Variants in CD36 observed in about 807,000 individuals in gnomAD.
The protein encoded by CD36 is CD36 molecule (CD36 blood group).
Under a neutral mutation model 55.2 loss-of-function variants are expected in CD36, and 119 were observed. The observed-to-expected ratio is 2.15, with a 90% CI of 1.86 to 2.51. The LOEUF (loss-of-function observed/expected upper bound fraction) is 2.51. Among genes scored for constraint, CD36 ranks in the 30% most tolerant of loss-of-function variants. The pLI is 0.00. For synonymous variants in CD36, 186 were observed against 193.6 expected (o/e 0.96, Z 0.33); for missense variants, 819 against 555.5 (o/e 1.47, Z -4.77).
At chr7:80,649,861 C>T (rs1489269642) in intron 3 of CD36, among the ~76,000 whole-genome samples, 2 of 151,552 alleles carry the variant, frequency 1.3e-5, no homozygotes, top group African/African-American at 4.9e-5. Flanking sequence ...TATGAAGAAA[C>T]AAACAAAGAG....
At position 80,678,161 on chromosome 7, in the gene CD36, A is replaced by G. The variant is rs1306811281; in HGVS notation, c.*1778A>G. 2 of 151,908 alleles carry G rather than the reference A, an allele frequency of 1.3e-5. No individual in the cohort carries two copies. Among genetic ancestry groups the G allele is most frequent in the Non-Finnish European group, 2.9e-5 (2 of 68,014 alleles). 9.4% of individuals were successfully genotyped at this position (151,908 alleles called of 1,614,324 possible). On this transcript the variant is annotated 3_prime_UTR_variant, in exon 15 of 15. Coordinates refer to ENST00000447544, the MANE Select transcript of CD36 (RefSeq NM_001001548.3). ...TGGGGCAACTTGGGGAATATGTTAC[A>G]TGTGTGACTTTGTTTTGCCCTGGCG...
intron 14 of CD36, among the ~76,000 whole-genome samples, chr7:80,674,673 G>A (rs1336891793): frequency 2.0e-5 from 3 of 152,026 alleles, no homozygotes; most frequent in African/African-American, 7.2e-5. Context: ...CTATGCTTTA[G>A]ATATTAGTGT....
intron 3 of CD36, among the ~76,000 whole-genome samples, chr7:80,651,150 C>T (rs967597697): frequency 2.0e-5 from 3 of 152,020 alleles, no homozygotes; most frequent in Non-Finnish European, 4.4e-5. Flanking sequence ...AAACCAGATA[C>T]CACATGTTCT....
intron 3 of CD36, among the ~76,000 whole-genome samples, chr7:80,648,171 G>T (rs374652345): frequency 2.6e-5 from 4 of 152,090 alleles, no homozygotes; most frequent in South Asian, 4.1e-4. Flanking sequence ...GAAACAGACA[G>T]GTAATAGTGA....
At chr7:80,628,227 A>G (rs531996634) in intron 1 of CD36, among the ~76,000 whole-genome samples, 9 of 152,044 alleles carry the variant, frequency 5.9e-5, no homozygotes, top group Non-Finnish European at 1.3e-4. Flanking sequence ...AAATTTGAGC[A>G]CCTATTAGGT....
In CD36 at chr7:80,664,862, A is replaced by AC. The variant is rs1796897124; in HGVS notation, c.701+365_701+366insC. ...CCATAAATGAAAAGGTAAAAAAAAA[A>AC]AAAACAACACATCAACTGATTGTGT... On this transcript the variant is annotated intron_variant, in intron 7 of 14. Transcript: ENST00000447544. Among the ~76,000 whole-genome samples, 4 of 147,104 alleles carry AC rather than the reference A, an allele frequency of 2.7e-5. No individual in the cohort carries two copies. The South Asian group carries it at 8.4e-4, about 31-fold the overall frequency.
At chr7:80,651,335 T>C (rs1308205236) in intron 3 of CD36, among the ~76,000 whole-genome samples, 2 of 152,026 alleles carry the variant, frequency 1.3e-5, no homozygotes, top group Non-Finnish European at 2.9e-5. Context: ...CAAACCTCCA[T>C]GACACACAAT....
chr7:80,620,786 A>G (rs1293121139), intron 1 of CD36, among the ~76,000 whole-genome samples: 2 of 152,232 alleles, frequency 1.3e-5, no homozygotes, highest in Non-Finnish European at 2.9e-5. Context: ...AAAAGTCTGT[A>G]ACTAGGGTTA....
intron 14 of CD36, 137 bp from the exon 15 acceptor site, chr7:80,676,247 C>CT (rs36013152): frequency 1.5e-4 from 23 of 151,966 alleles, no homozygotes; most frequent in African/African-American, 4.8e-4. Flanking sequence ...GGCACTATTT[C>CT]TTTTTTTGCA....
At chr7:80,671,894 C>T (rs1454189889) in intron 10 of CD36, 28 bp from the exon 11 acceptor site, 2 of 1,602,350 alleles carry the variant, frequency 1.2e-6, no homozygotes, top group East Asian at 2.2e-5. Flanking sequence ...GTTATTAATT[C>T]CAATTGACTC....
chr7:80,633,747 T>A (rs972073061), upstream of CD36, among the ~76,000 whole-genome samples: 1 of 152,088 alleles, frequency 6.6e-6, no homozygotes, highest in Non-Finnish European at 1.5e-5. Context: ...TGTGTATGCC[T>A]AAATGTATGT....
intron 7 of CD36, chr7:80,666,106 T>A (rs1797066508): frequency 3.2e-6 from 1 of 308,902 alleles, no homozygotes; most frequent in African/African-American, 2.2e-5. Context: ...TACTACTGAG[T>A]AATTCATGTA....
intron 14 of CD36, among the ~76,000 whole-genome samples, chr7:80,675,298 G>A (rs1219452764): frequency 2.6e-5 from 4 of 151,508 alleles, no homozygotes; most frequent in African/African-American, 7.3e-5. Context: ...GTATTTGTAT[G>A]ACTATGTAAT....
At chr7:80,627,979 T>C (rs527372361) in intron 1 of CD36, among the ~76,000 whole-genome samples, 10 of 152,138 alleles carry the variant, frequency 6.6e-5, no homozygotes, top group African/African-American at 2.4e-4. Flanking sequence ...TGTTTGCTAC[T>C]TGAGATTTTT....
intron 1 of CD36, chr7:80,624,027 C>T (rs991366305): frequency 6.6e-6 from 1 of 152,152 alleles, no homozygotes; most frequent in South Asian, 2.1e-4. Flanking sequence ...AGCCATTCTT[C>T]GACACTAGGA....
At chr7:80,631,790 C>T (rs920849007) in intron 1 of CD36, among the ~76,000 whole-genome samples, 1 of 150,740 alleles carries the variant, frequency 6.6e-6, no homozygotes, top group African/African-American at 2.4e-5. Flanking sequence ...TCCAGAAAAA[C>T]ATTTCTGGAA....
intron 12 of CD36, 112 bp downstream of exon 12, chr7:80,672,955 T>A: frequency 2.7e-6 from 2 of 746,014 alleles, no homozygotes; most frequent in Non-Finnish European, 4.8e-6. Context: ...TGATATCAAC[T>A]TATCTTTAGC....
intron 1 of CD36, 142 bp from the exon 2 acceptor site, chr7:80,645,946 C>A (rs1021145306): frequency 6.6e-6 from 1 of 152,132 alleles, no homozygotes; most frequent in African/African-American, 2.4e-5. Context: ...TTAGGACAAG[C>A]CATTCAGGCC....
chr7:80,621,968 C>G (rs1263133716), intron 1 of CD36, among the ~76,000 whole-genome samples: 13 of 152,312 alleles, frequency 8.5e-5, no homozygotes, highest in Admixed American at 3.9e-4. Flanking sequence ...CCACCCTTCA[C>G]CTATTTTATA....
Sources: gnomAD v4.1 joint callset for allele counts (sites outside exome capture counted in the v4.1 genomes callset) on GRCh38, gnomAD v4.1.1 for gene constraint, MANE v1.5 for transcripts, NCBI Gene and HGNC (gene_info 2026-07-23, HGNC 2026-07-21) for gene names.